Variants in MAP3K5 observed in about 807,000 individuals in gnomAD.
MAP3K5 encodes the protein mitogen-activated protein kinase kinase kinase 5, also known as ASK-1.
A neutral mutation model predicts 158.7 loss-of-function variants in MAP3K5; 56 were observed. The observed-to-expected ratio is 0.35, with a 90% confidence interval of 0.28 to 0.44. The LOEUF (loss-of-function observed/expected upper bound fraction) is 0.44, where lower values mean the gene tolerates loss of function less well. Ranked by LOEUF, MAP3K5 falls within the 20% of genes least tolerant of loss-of-function variation. MAP3K5 has a pLI of 1.00. For synonymous variants in MAP3K5, 579 were observed against 601.7 expected, an observed-to-expected ratio of 0.96 and a Z score of 0.55; for missense variants, 1,294 against 1,674.8, an observed-to-expected ratio of 0.77 and a Z score of 3.97.
Position 136,637,314 on chromosome 6 carries a change from T to TA in MAP3K5, c.2016+10dup, listed in dbSNP as rs1777685913. Reference sequence around the variant, plus strand: ...TGAGCTCTAAATGTAAATGGACACCTAAGTCATTACCTCCAGCAAGTCACT... The same window carrying TA: ...TGAGCTCTAAATGTAAATGGACACCTAAAGTCATTACCTCCAGCAAGTCACT... On this transcript the variant is annotated intron_variant, in intron 14 of 29. Coordinates refer to ENST00000359015, the MANE Select transcript of MAP3K5 (RefSeq NM_005923.4). 3.8e-6 allele frequency: 6 copies of TA among 1,592,024 alleles called. No individual in the cohort carries two copies. The highest frequency in any genetic ancestry group is 5.2e-6 in the Non-Finnish European group (6 of 1,159,936).
intron 21 of MAP3K5, among the ~76,000 whole-genome samples, chr6:136,596,728 G>C (rs2129083451): frequency 6.6e-6 from 1 of 152,310 alleles, no homozygotes; most frequent in African/African-American, 2.4e-5. Context: ...AGGTGGTGCT[G>C]AGACAGTTTG....
At chr6:136,645,186 G>C (rs1379434917) in intron 11 of MAP3K5, among the ~76,000 whole-genome samples, 2 of 152,244 alleles carry the variant, frequency 1.3e-5, no homozygotes, top group African/African-American at 4.8e-5. Flanking sequence ...TCCTGCTCTG[G>C]CCTCCCAAAT....
chr6:136,582,041 C>T (rs1435904314), intron 24 of MAP3K5, among the ~76,000 whole-genome samples: 4 of 151,920 alleles, frequency 2.6e-5, no homozygotes, highest in Non-Finnish European at 5.9e-5. Context: ...TGAGATCATG[C>T]CACTGCACTC....
rs564850694 is a variant in MAP3K5, at chr6:136,780,551, T to C, written c.448+11159A>G. On this transcript the variant is annotated intron_variant, in intron 1 of 29. Coordinates refer to ENST00000359015, the MANE Select transcript of MAP3K5 (RefSeq NM_005923.4). The stretch of plus-strand genomic sequence containing the variant: ...AGAGAGTTGTTATTTTAGATTGTCG[T>C]AAATTATAGTTTAGAACATTGTAAT... Among the ~76,000 whole-genome samples the C allele has an allele frequency of 1.2e-4, 18 of 152,352 alleles. No individual in the cohort carries two copies. In the South Asian group the frequency reaches 3.7e-3, roughly 32 times the overall value.
chr6:136,784,255 C>T (rs548765910), intron 1 of MAP3K5, among the ~76,000 whole-genome samples: 111 of 152,358 alleles, frequency 7.3e-4, no homozygotes, highest in African/African-American at 2.6e-3. Context: ...GTCATGACAA[C>T]ATGCAGCTGA....
At chr6:136,738,936 A>C (rs954240217) in intron 1 of MAP3K5, among the ~76,000 whole-genome samples, 1 of 115,716 alleles carries the variant, frequency 8.6e-6, no homozygotes, top group African/African-American at 3.9e-5. Flanking sequence ...AAACACACAC[A>C]CGCGTGCACA....
At chr6:136,558,334 A>G (rs538741680) in intron 29 of MAP3K5, among the ~76,000 whole-genome samples, 4 of 151,906 alleles carry the variant, frequency 2.6e-5, no homozygotes, top group African/African-American at 4.8e-5. Flanking sequence ...AGCTGAGATC[A>G]CGCCACTGCA....
chr6:136,772,083 A>AT (rs1479923767), intron 1 of MAP3K5, among the ~76,000 whole-genome samples: 1 of 105,610 alleles, frequency 9.5e-6, no homozygotes, highest in Non-Finnish European at 1.9e-5. Context: ...TAATTTTTGT[A>AT]TTTTTTAGTA....
chr6:136,696,104 A>C (rs759819033), intron 5 of MAP3K5, 47 bp from the exon 6 acceptor site: 2 of 1,099,924 alleles, frequency 1.8e-6, no homozygotes, highest in South Asian at 1.4e-5. Flanking sequence ...ATTAGGAGAA[A>C]ATTCTCACAA....
At chr6:136,700,764 T>C (rs1458492710) in intron 3 of MAP3K5, among the ~76,000 whole-genome samples, 1 of 152,104 alleles carries the variant, frequency 6.6e-6, no homozygotes, top group Admixed American at 6.6e-5. Context: ...TGAGAATTAT[T>C]GGATATGGTA....
intron 14 of MAP3K5, among the ~76,000 whole-genome samples, chr6:136,623,577 T>C (rs1776904107): frequency 6.6e-6 from 1 of 152,160 alleles, no homozygotes; most frequent in African/African-American, 2.4e-5. Context: ...AGAAAGGAAA[T>C]ATCTATAGTT....
chr6:136,740,041 G>T (rs1782645634), intron 1 of MAP3K5, among the ~76,000 whole-genome samples: 1 of 152,170 alleles, frequency 6.6e-6, no homozygotes, highest in African/African-American at 2.4e-5. Context: ...CCCCAGCCCT[G>T]CATGTTCTTC....
At chr6:136,673,588 C>G (rs752660062) in intron 7 of MAP3K5, among the ~76,000 whole-genome samples, 1 of 151,638 alleles carries the variant, frequency 6.6e-6, no homozygotes, top group Non-Finnish European at 1.5e-5. Context: ...CCAAAACATA[C>G]AATACCTGAA....
intron 21 of MAP3K5, among the ~76,000 whole-genome samples, chr6:136,594,690 T>C (rs576728282): frequency 6.6e-6 from 1 of 152,234 alleles, no homozygotes; most frequent in South Asian, 2.1e-4. Context: ...AACGGAGGTG[T>C]GCATCATTCA....
chr6:136,624,290 A>C (rs1001485552), intron 14 of MAP3K5, among the ~76,000 whole-genome samples: 1 of 152,242 alleles, frequency 6.6e-6, no homozygotes, highest in African/African-American at 2.4e-5. Flanking sequence ...ATGAGTTTTT[A>C]TGCTCTTTAA....
chr6:136,750,147 G>C (rs1192927762), intron 1 of MAP3K5, among the ~76,000 whole-genome samples: 1 of 152,102 alleles, frequency 6.6e-6, no homozygotes, highest in Non-Finnish European at 1.5e-5. Context: ...GCATGATCTC[G>C]GCTCATTGTA....
chr6:136,663,345 C>T (rs9494550), intron 8 of MAP3K5, among the ~76,000 whole-genome samples: 3,783 of 152,320 alleles, frequency 0.025, 151 homozygotes, highest in African/African-American at 0.086. Flanking sequence ...CTGAATATTT[C>T]TGCTGAACCA....
At chr6:136,686,498 T>TGACATGATTGTATATTTAGAA (rs1780154749) in intron 7 of MAP3K5, among the ~76,000 whole-genome samples, 2 of 152,140 alleles carry the variant, frequency 1.3e-5, no homozygotes, top group South Asian at 4.2e-4. Context: ...TGTTTGCAGA[T>TGACATGATTGTATATTTAGAA]GACATGATTG....
At chr6:136,572,779 C>T (rs1562514871) in intron 25 of MAP3K5, among the ~76,000 whole-genome samples, 1 of 152,074 alleles carries the variant, frequency 6.6e-6, no homozygotes, top group Non-Finnish European at 1.5e-5. Context: ...TGGTGGTTCC[C>T]TGAGTGCATG....
Sources: gnomAD v4.1 joint callset for allele counts (sites outside exome capture counted in the v4.1 genomes callset) on GRCh38, gnomAD v4.1.1 for gene constraint, MANE v1.5 for transcripts, NCBI Gene and HGNC (gene_info 2026-07-23, HGNC 2026-07-21) for gene names.